The following GALNT9 variants were observed in gnomAD, a reference collection of about 807,000 sequenced individuals.
The protein encoded by GALNT9 is GalNAc transferase 9.
Under a neutral mutation model 63.1 loss-of-function variants are expected in GALNT9, and 47 were observed. The ratio of observed to expected loss-of-function variants is 0.75; its 90% CI spans 0.59 to 0.95. The LOEUF is 0.95. Ranked by LOEUF, GALNT9 falls within the 40% of genes least tolerant of loss-of-function variation. GALNT9 has a pLI of 0.00. For missense variants in GALNT9, 829 were observed against 874.8 expected (o/e 0.95, Z 0.66); for synonymous variants, 396 against 365.7 (o/e 1.08, Z -0.94).
chr12:132,285,573 G>A (rs928928003), intron 2 of GALNT9, among the ~76,000 whole-genome samples: 1 of 152,254 alleles, frequency 6.6e-6, no homozygotes, highest in Non-Finnish European at 1.5e-5. Flanking sequence ...AGGATGGGAG[G>A]TGCGCAGGCC....
intron 6 of GALNT9, among the ~76,000 whole-genome samples, chr12:132,237,173 TGACC>T (rs1480760637): frequency 6.6e-6 from 1 of 152,110 alleles, no homozygotes; most frequent in African/African-American, 2.4e-5. Flanking sequence ...GGCTGTGTCC[TGACC>T]TGGAGTCTGG....
chr12:132,197,675 C>T, intron 10 of GALNT9, 117 bp downstream of exon 10: 6 of 781,720 alleles, frequency 7.7e-6, no homozygotes, highest in South Asian at 1.7e-5. Flanking sequence ...CCCCTGACCA[C>T]CCCCTGCCGC....
intron 1 of GALNT9, among the ~76,000 whole-genome samples, chr12:132,295,925 GCC>G (rs1555243183): frequency 1.3e-5 from 1 of 78,556 alleles, no homozygotes; most frequent in African/African-American, 6.2e-5. Context: ...AACAGGGACG[GCC>G]TCCGAACAGG....
intron 6 of GALNT9, among the ~76,000 whole-genome samples, chr12:132,225,463 C>T (rs922363064): frequency 7.4e-5 from 11 of 149,078 alleles, no homozygotes; most frequent in Non-Finnish European, 1.0e-4. Context: ...TGAAACTCCA[C>T]TGTACATACA....
At chr12:132,248,604 A>T (rs1369255912) in intron 5 of GALNT9, among the ~76,000 whole-genome samples, 1 of 152,196 alleles carries the variant, frequency 6.6e-6, no homozygotes, top group Non-Finnish European at 1.5e-5. Context: ...AGGAGCCAGG[A>T]CTGCAATGGG....
rs1252614619 is a variant in GALNT9, at chr12:132,291,143, C to T, written c.239-4713G>A. Among the ~76,000 whole-genome samples, 8 of 51,992 alleles carry T rather than the reference C, an allele frequency of 1.5e-4. 1 individual carries two copies. The highest frequency in any genetic ancestry group is 1.0e-4 in the Non-Finnish European group (3 of 28,888). The allele number at this position is 51,992 out of a possible 152,430, so 34.1% of individuals were successfully genotyped here. ...ACAGCACCCACATCCACAGCACCCA[C>T]AACCACAGCACCCACGTCCACAGCA... is the stretch of plus-strand genomic sequence containing the variant. On this transcript the variant is annotated intron_variant, in intron 1 of 10. Transcript: ENST00000328957.
intron 2 of GALNT9, among the ~76,000 whole-genome samples, chr12:132,276,003 G>C (rs28450875): frequency 6.6e-6 from 1 of 152,184 alleles, no homozygotes; most frequent in East Asian, 1.9e-4. Flanking sequence ...GCCTGGCATC[G>C]AGCCGGCTCT....
chr12:132,303,442 C>T (rs1177167963), intron 1 of GALNT9, among the ~76,000 whole-genome samples: 65 of 144,934 alleles, frequency 4.5e-4, no homozygotes, highest in African/African-American at 1.6e-3. Flanking sequence ...GGCACACCCT[C>T]GCCCGGGCAC....
chr12:132,304,273 TC>T (rs1555244263), intron 1 of GALNT9, among the ~76,000 whole-genome samples: 2 of 74,564 alleles, frequency 2.7e-5, no homozygotes, highest in Non-Finnish European at 2.5e-5. Context: ...GGGCACACCC[TC>T]GCCCGGGCAC....
At chr12:132,249,998 T>C (rs1295237027) in intron 5 of GALNT9, among the ~76,000 whole-genome samples, 1 of 152,114 alleles carries the variant, frequency 6.6e-6, no homozygotes, top group Non-Finnish European at 1.5e-5. Context: ...GGGGCCTTAG[T>C]CCAGCCGGAC....
chr12:132,200,348 G>C (rs1338494943), intron 8 of GALNT9: 1 of 142,862 alleles, frequency 7.0e-6, no homozygotes, highest in Non-Finnish European at 1.5e-5. Context: ...GGAGTGCTGT[G>C]CATGTGGGGG....
In GALNT9 at chr12:132,196,457, G is replaced by A. The variant is rs1421009792; in HGVS notation, c.*650C>T. The A allele has an allele frequency of 3.0e-6, 3 of 985,516 alleles. No homozygotes were observed. Among genetic ancestry groups the A allele is most frequent in the African/African-American group, 1.7e-5 (1 of 57,364 alleles). 61.0% of individuals were successfully genotyped at this position (985,516 alleles called of 1,614,324 possible). A position where few individuals can be genotyped will look rare whatever the true frequency, so the allele number is the denominator to read the frequency against. On this transcript the variant is annotated 3_prime_UTR_variant, in exon 11 of 11. Coordinates refer to ENST00000328957, the MANE Select transcript of GALNT9 (RefSeq NM_001122636.2). ...GGGCCCAGGTGCCTGGGAAAGAGGT[G>A]GGACCGGGCCCCAACCCCCAGCTCG...
intron 1 of GALNT9, among the ~76,000 whole-genome samples, chr12:132,312,989 T>C (rs1206068063): frequency 2.0e-5 from 3 of 152,108 alleles, no homozygotes; most frequent in African/African-American, 7.2e-5. Flanking sequence ...GTCTTCCCTT[T>C]CTCAATGCTT....
At chr12:132,197,331 C>A in intron 10 of GALNT9, 78 bp from the exon 11 acceptor site, 1 of 1,567,242 alleles carries the variant, frequency 6.4e-7, no homozygotes, top group Non-Finnish European at 8.6e-7. Flanking sequence ...GAGGCTGCTT[C>A]GTGCTCTCAG....
At chr12:132,229,195 C>T (rs1161363451) in intron 6 of GALNT9, among the ~76,000 whole-genome samples, 1 of 152,256 alleles carries the variant, frequency 6.6e-6, no homozygotes, top group Non-Finnish European at 1.5e-5. Context: ...TCCATCCTGG[C>T]TCACAGGTGG....
At position 132,201,209 on chromosome 12, in the gene GALNT9, C is replaced by T; in HGVS notation, c.1316G>A (p.Arg439Lys). 2 of 1,612,892 alleles carry T rather than the reference C, an allele frequency of 1.2e-6. No homozygotes were observed. The highest frequency in any genetic ancestry group is 2.2e-5 in the South Asian group (2 of 90,980). Residue 439 changes from arginine to lysine, a missense_variant, in exon 8 of 11, where the codon AGG becomes AAG. Coordinates refer to ENST00000328957, the MANE Select transcript of GALNT9 (RefSeq NM_001122636.2). ...DVSERLALRQRLKCRSFKWYL... is the reference protein window; with the variant it reads ...DVSERLALRQKLKCRSFKWYL... ...CCACTTGAAGCTGCGACACTTCAGCCTCTGACGCAGGGCCAGCCTCTCAGA... is the reference window on the plus strand; with the variant it reads ...CCACTTGAAGCTGCGACACTTCAGCTTCTGACGCAGGGCCAGCCTCTCAGA...
At chr12:132,301,744 C>T (rs1555243855) in intron 1 of GALNT9, among the ~76,000 whole-genome samples, 2 of 152,270 alleles carry the variant, frequency 1.3e-5, no homozygotes, top group Admixed American at 6.5e-5. Flanking sequence ...CCATGCCCTG[C>T]ACAACCTTCA....
chr12:132,266,459 T>C (rs1879601174), intron 2 of GALNT9, among the ~76,000 whole-genome samples: 1 of 152,204 alleles, frequency 6.6e-6, no homozygotes, highest in African/African-American at 2.4e-5. Flanking sequence ...CCAACGACGG[T>C]GTCCTTAAAG....
chr12:132,211,004 C>T (rs572054684), intron 6 of GALNT9, among the ~76,000 whole-genome samples: 1 of 152,208 alleles, frequency 6.6e-6, no homozygotes, highest in African/African-American at 2.4e-5. Flanking sequence ...CCATGAGATG[C>T]ACCAAAAATC....
Sources: gnomAD v4.1 joint callset for allele counts (sites outside exome capture counted in the v4.1 genomes callset) on GRCh38, gnomAD v4.1.1 for gene constraint, MANE v1.5 for transcripts, NCBI Gene and HGNC (gene_info 2026-07-23, HGNC 2026-07-21) for gene names.